Variants in MAST4 observed in about 807,000 individuals in gnomAD.
The protein encoded by MAST4 is microtubule-associated serine/threonine-protein kinase 4.
A neutral mutation model predicts 162.7 loss-of-function variants in MAST4; 89 were observed. The observed-to-expected ratio is 0.55, with a 90% CI of 0.46 to 0.65. MAST4 has a LOEUF of 0.65. Among genes scored for constraint, MAST4 ranks in the 30% least tolerant of loss-of-function variants. The pLI, the probability that MAST4 is intolerant of heterozygous loss-of-function variation, is 0.00. For missense variants in MAST4, 3,153 were observed against 3,374.0 expected, an observed-to-expected ratio of 0.93 and a Z score of 1.62; for synonymous variants, 1,479 against 1,361.1, an observed-to-expected ratio of 1.09 and a Z score of -1.91.
chr5:66,949,493 C>G (rs1296823329), intron 4 of MAST4, among the ~76,000 whole-genome samples: 1 of 152,154 alleles, frequency 6.6e-6, no homozygotes, highest in African/African-American at 2.4e-5. Context: ...TGTTTGCTTC[C>G]CCTTCCGCCA....
intron 2 of MAST4, among the ~76,000 whole-genome samples, chr5:66,771,026 C>T (rs17279179): frequency 0.24 from 35,806 of 152,066 alleles, 5,551 homozygotes; most frequent in Non-Finnish European, 0.35. Context: ...TGTTGGCTAT[C>T]TGGACCTTTG....
chr5:66,930,624 T>G, intron 4 of MAST4: 1 of 438,242 alleles, frequency 2.3e-6, no homozygotes, highest in South Asian at 1.7e-5. Flanking sequence ...TTTTTATGTC[T>G]CAAGGAATAA....
intron 1 of MAST4, among the ~76,000 whole-genome samples, chr5:66,754,671 A>G (rs1425724020): frequency 3.3e-5 from 5 of 152,228 alleles, no homozygotes; most frequent in Admixed American, 2.6e-4. Context: ...GGACAAAACA[A>G]TATAGTGCAT....
At chr5:66,701,655 C>T (rs1430626202) in intron 1 of MAST4, among the ~76,000 whole-genome samples, 5 of 152,064 alleles carry the variant, frequency 3.3e-5, no homozygotes, top group Admixed American at 2.6e-4. Flanking sequence ...TCTGTAAACA[C>T]AACATAAATC....
intron 1 of MAST4, among the ~76,000 whole-genome samples, chr5:66,695,285 T>C (rs4700154): frequency 0.1 from 15,509 of 152,246 alleles, 932 homozygotes; most frequent in Admixed American, 0.16. Context: ...CTTTCCCCAT[T>C]GCTTGTTTTT....
In MAST4 at chr5:67,166,670, C is replaced by T. The variant is rs1416109539; in HGVS notation, c.7491C>T (p.Pro2497=). Residue 2497 remains proline (P), a synonymous_variant, in exon 29 of 29, where the codon CCC becomes CCT. Transcript: ENST00000403625. ...GGGGCATGCTGGAGCTTCCAGCCCC[C>T]AGCAACAGGGACCATAGGAAGGCTC... is the stretch of plus-strand genomic sequence containing the variant. The part of the protein sequence containing the change: ...AAGGMLELPA[P]SNRDHRKAQP... 1 of 1,597,282 alleles carries T rather than the reference C, an allele frequency of 6.3e-7. No homozygotes were observed. Among genetic ancestry groups the T allele is most frequent in the Non-Finnish European group, 8.5e-7 (1 of 1,172,188 alleles).
intron 3 of MAST4, among the ~76,000 whole-genome samples, chr5:66,845,126 T>TATACACACACAC (rs1358855625): frequency 7.4e-5 from 5 of 67,170 alleles, no homozygotes; most frequent in African/African-American, 2.8e-4. Context: ...TATATATATA[T>TATACACACACAC]ACACACACAC....
At chr5:67,118,781 G>T in intron 13 of MAST4, 32 bp downstream of exon 13, 3 of 1,347,240 alleles carry the variant, frequency 2.2e-6, no homozygotes, top group South Asian at 1.3e-5. Context: ...ATATGATGTT[G>T]GTTTTTCTGT....
At chr5:66,856,981 C>T (rs4700165) in intron 3 of MAST4, among the ~76,000 whole-genome samples, 20,746 of 152,184 alleles carry the variant, frequency 0.14, 1,586 homozygotes, top group Admixed American at 0.18. Context: ...AGAGAGTACT[C>T]TTTATAAAAG....
At chr5:67,049,121 G>T (rs1442179989) in intron 4 of MAST4, among the ~76,000 whole-genome samples, 1 of 146,782 alleles carries the variant, frequency 6.8e-6, no homozygotes, top group Non-Finnish European at 1.5e-5. Context: ...GCAAGCCCCA[G>T]TTCTTTCAGT....
At chr5:66,665,910 G>A (rs1280044499) in intron 1 of MAST4, among the ~76,000 whole-genome samples, 6 of 152,182 alleles carry the variant, frequency 3.9e-5, no homozygotes, top group Non-Finnish European at 8.8e-5. Flanking sequence ...AATGCTTCTT[G>A]CAGCAATCTC....
intron 4 of MAST4, among the ~76,000 whole-genome samples, chr5:67,016,260 G>A (rs979123471): frequency 6.6e-6 from 1 of 152,070 alleles, no homozygotes; most frequent in Non-Finnish European, 1.5e-5. Context: ...AAAAATTGAG[G>A]ATTAGAGAAA....
intron 4 of MAST4, among the ~76,000 whole-genome samples, chr5:66,976,007 G>A (rs1382688580): frequency 2.6e-5 from 4 of 152,010 alleles, no homozygotes; most frequent in African/African-American, 9.7e-5. Context: ...AAAAAAAAAT[G>A]CTGTTTAACT....
chr5:66,810,448 G>T (rs1045649045), intron 3 of MAST4, among the ~76,000 whole-genome samples: 3 of 152,190 alleles, frequency 2.0e-5, no homozygotes, highest in Non-Finnish European at 2.9e-5. Flanking sequence ...GAGTGCATGG[G>T]AAGTGTTCAT....
At chr5:66,846,398 C>T (rs1365762819) in intron 3 of MAST4, among the ~76,000 whole-genome samples, 1 of 152,020 alleles carries the variant, frequency 6.6e-6, no homozygotes, top group East Asian at 1.9e-4. Flanking sequence ...GGAGCTAAAG[C>T]TATGATGTAT....
In MAST4 at chr5:66,817,494, C is replaced by A. The variant is rs138799338; in HGVS notation, c.642+28700C>A. On this transcript the variant is annotated intron_variant, in intron 3 of 28. Transcript: ENST00000403625. Reference sequence around the variant, plus strand: ...AGGGCTAAGCCTATGTTCAATAAAGCTCAAGGAAGTGAGAGTAAAGTGCTG... The same window carrying A: ...AGGGCTAAGCCTATGTTCAATAAAGATCAAGGAAGTGAGAGTAAAGTGCTG... Among the ~76,000 whole-genome samples the A allele has an allele frequency of 4.4e-3, 666 of 152,272 alleles. 6 individuals are homozygous for A. The highest frequency in any genetic ancestry group is 0.016 in the African/African-American group (648 of 41,554).
chr5:66,685,449 T>C (rs184500183), intron 1 of MAST4, among the ~76,000 whole-genome samples: 2 of 152,220 alleles, frequency 1.3e-5, no homozygotes, highest in Admixed American at 1.3e-4. Flanking sequence ...TAACAAAACG[T>C]TTGCAGAATT....
intron 26 of MAST4, among the ~76,000 whole-genome samples, chr5:67,155,090 G>T (rs1648282259): frequency 6.6e-6 from 1 of 152,194 alleles, no homozygotes. Context: ...GTTTAGAACT[G>T]CATGACTACC....
At chr5:67,045,848 G>T (rs1334962832) in intron 4 of MAST4, among the ~76,000 whole-genome samples, 1 of 152,116 alleles carries the variant, frequency 6.6e-6, no homozygotes, top group Non-Finnish European at 1.5e-5. Context: ...TGTTATTTCT[G>T]TCATAAATTC....
Sources: allele counts gnomAD v4.1 joint callset (sites outside exome capture counted in the v4.1 genomes callset), GRCh38; gene constraint gnomAD v4.1.1; transcripts MANE v1.5; gene names NCBI Gene and HGNC (gene_info 2026-07-23, HGNC 2026-07-21).